SLC44A5: variants seen among roughly 807,000 people sequenced by gnomAD.
SLC44A5 encodes choline transporter-like protein 5.
Under a neutral mutation model 101.8 loss-of-function variants are expected in SLC44A5, and 57 were observed. The ratio of observed to expected loss-of-function variants is 0.56; its 90% CI spans 0.45 to 0.70. The LOEUF is 0.70. Ranked by LOEUF, SLC44A5 falls within the 30% of genes least tolerant of loss-of-function variation. The pLI, the probability that SLC44A5 is intolerant of heterozygous loss-of-function variation, is 0.00. For missense variants in SLC44A5, 737 were observed against 853.1 expected (o/e 0.86, Z 1.70); for synonymous variants, 281 against 290.9 (o/e 0.97, Z 0.35).
chr1:75,593,529 T>C (rs922995324), intron 1 of SLC44A5, among the ~76,000 whole-genome samples: 4 of 152,142 alleles, frequency 2.6e-5, no homozygotes, highest in Non-Finnish European at 4.4e-5. Flanking sequence ...AAGAGATATA[T>C]GCACTCTTAT....
chr1:75,545,975 G>GT (rs1459678027), intron 1 of SLC44A5, among the ~76,000 whole-genome samples: 2 of 151,682 alleles, frequency 1.3e-5, no homozygotes, highest in Non-Finnish European at 2.9e-5. Flanking sequence ...TGATGGGTGT[G>GT]TGCCACCACA....
At chr1:75,501,674 C>T (rs2101840796) in intron 2 of SLC44A5, among the ~76,000 whole-genome samples, 1 of 152,234 alleles carries the variant, frequency 6.6e-6, no homozygotes, top group East Asian at 1.9e-4. Flanking sequence ...TTGGTTTTGT[C>T]AGTCTCCGGT....
intron 2 of SLC44A5, among the ~76,000 whole-genome samples, chr1:75,470,341 C>T (rs1386606432): frequency 6.6e-6 from 1 of 152,130 alleles, no homozygotes; most frequent in African/African-American, 2.4e-5. Context: ...TACAGTTGTG[C>T]CCTACCTTAT....
At chr1:75,673,024 C>A in the SLC44A5 span, among the ~76,000 whole-genome samples, 2 of 152,118 alleles carry the variant, frequency 1.3e-5, no homozygotes, top group Non-Finnish European at 2.9e-5. Flanking sequence ...TCAGCACATT[C>A]CTAGCTATGG....
intron 16 of SLC44A5, 46 bp from the exon 17 acceptor site, chr1:75,218,798 T>C: frequency 1.3e-6 from 2 of 1,543,030 alleles, no homozygotes; most frequent in Non-Finnish European, 1.8e-6. Flanking sequence ...TAAATATCAC[T>C]CCAAGATAAC....
chr1:75,541,384 T>C (rs1305830053), intron 2 of SLC44A5, 51 bp downstream of exon 2: 1 of 1,318,320 alleles, frequency 7.6e-7, no homozygotes, highest in African/African-American at 1.5e-5. Flanking sequence ...AAAAAGAATA[T>C]TTGGCACAAA....
chr1:75,439,800 A>T (rs1220416792), intron 2 of SLC44A5, among the ~76,000 whole-genome samples: 1 of 152,136 alleles, frequency 6.6e-6, no homozygotes, highest in East Asian at 1.9e-4. Context: ...AGAGAATCTC[A>T]AATTGATAAA....
At chr1:75,385,488 C>T (rs1413316407) in intron 3 of SLC44A5, among the ~76,000 whole-genome samples, 1 of 152,124 alleles carries the variant, frequency 6.6e-6, no homozygotes, top group Non-Finnish European at 1.5e-5. Context: ...GACACATACA[C>T]TCTCCCAAGA....
intron 1 of SLC44A5, among the ~76,000 whole-genome samples, chr1:75,572,903 GC>G (rs2102042562): frequency 6.6e-6 from 1 of 151,816 alleles, no homozygotes; most frequent in African/African-American, 2.4e-5. Context: ...CAGGCAGATC[GC>G]CTGAGATCAG....
intron 2 of SLC44A5, among the ~76,000 whole-genome samples, chr1:75,485,417 T>C (rs1021045904): frequency 2.6e-5 from 4 of 152,218 alleles, no homozygotes; most frequent in African/African-American, 7.2e-5. Context: ...TGCTAAAGCA[T>C]AGGAAGAGTG....
At chr1:75,547,566 C>A in intron 1 of SLC44A5, among the ~76,000 whole-genome samples, 1 of 152,154 alleles carries the variant, frequency 6.6e-6, no homozygotes, top group East Asian at 1.9e-4. Flanking sequence ...AACATCATGG[C>A]AACAGTTTTT....
At chr1:75,438,050 C>T (rs1373509470) in intron 2 of SLC44A5, among the ~76,000 whole-genome samples, 1 of 152,072 alleles carries the variant, frequency 6.6e-6, no homozygotes, top group African/African-American at 2.4e-5. Flanking sequence ...ACTACTTAGC[C>T]GTCTTCTTAT....
chr1:75,409,615 A>C (rs1172412382), intron 2 of SLC44A5, among the ~76,000 whole-genome samples: 3 of 152,084 alleles, frequency 2.0e-5, no homozygotes, highest in African/African-American at 7.2e-5. Flanking sequence ...AAATGAAAAT[A>C]ATACAAATAT....
intron 1 of SLC44A5, among the ~76,000 whole-genome samples, chr1:75,572,785 G>T (rs562338462): frequency 6.6e-6 from 1 of 152,092 alleles, no homozygotes; most frequent in African/African-American, 2.4e-5. Context: ...AGAGGAATGG[G>T]GAAGTAAAGA....
intron 2 of SLC44A5, among the ~76,000 whole-genome samples, chr1:75,511,371 A>G (rs981386804): frequency 6.6e-6 from 1 of 152,140 alleles, no homozygotes; most frequent in African/African-American, 2.4e-5. Flanking sequence ...CGGTAATTAT[A>G]TCAGTTAATT....
chr1:75,480,113 A>G (rs913998132), intron 2 of SLC44A5, among the ~76,000 whole-genome samples: 3 of 152,234 alleles, frequency 2.0e-5, no homozygotes, highest in Admixed American at 2.0e-4. Context: ...CAAATCAATA[A>G]ATGTAATCCA....
chr1:75,430,044 G>A (rs1664524878), intron 2 of SLC44A5, among the ~76,000 whole-genome samples: 1 of 152,124 alleles, frequency 6.6e-6, no homozygotes, highest in African/African-American at 2.4e-5. Context: ...TGAGCAGTTT[G>A]GAGCAAAGTC....
intron 3 of SLC44A5, among the ~76,000 whole-genome samples, chr1:75,351,085 C>T (rs1240685194): frequency 6.7e-6 from 1 of 149,272 alleles, no homozygotes; most frequent in African/African-American, 2.4e-5. Flanking sequence ...CAGCAAAACT[C>T]GCAATTACTT....
rs1042174995 is a variant in SLC44A5, at chr1:75,297,187, T to G, written c.175+3425A>C. On this transcript the variant is annotated intron_variant, in intron 5 of 23. Transcript: ENST00000370859. ...AAAAAAAGCAAAACCAAAACAAACTTTGGATCCTAATTTCAAGCACTTCCT... is the reference window on the plus strand; with the variant it reads ...AAAAAAAGCAAAACCAAAACAAACTGTGGATCCTAATTTCAAGCACTTCCT... 3.3e-5 allele frequency among the ~76,000 whole-genome samples: 5 copies of G among 152,174 alleles called. No homozygotes were observed. In the South Asian group the frequency reaches 1.0e-3, roughly 31 times the overall value.
Sources: allele counts gnomAD v4.1 joint callset (sites outside exome capture counted in the v4.1 genomes callset), GRCh38; gene constraint gnomAD v4.1.1; transcripts MANE v1.5; gene names NCBI Gene and HGNC (gene_info 2026-07-23, HGNC 2026-07-21).